Variants in TTN observed in about 807,000 individuals in gnomAD.
TTN encodes titin.
A neutral mutation model predicts 3,223.0 loss-of-function variants in TTN; 1,525 were observed. The ratio of observed to expected loss-of-function variants is 0.47; its 90% CI spans 0.45 to 0.49. The LOEUF (loss-of-function observed/expected upper bound fraction) is 0.49, where lower values mean the gene tolerates loss of function less well. Among genes scored for constraint, TTN ranks in the 20% least tolerant of loss-of-function variants. The pLI is 0.00. For missense variants in TTN, 40,786 were observed against 43,424.0 expected (o/e 0.94, Z 5.40); for synonymous variants, 14,094 against 15,161.0 (o/e 0.93, Z 5.17).
intron 10 of TTN, 120 bp from the exon 11 acceptor site, chr2:178,790,965 T>A: frequency 1.5e-6 from 2 of 1,293,544 alleles, no homozygotes; most frequent in Non-Finnish European, 2.2e-6. Flanking sequence ...AATGTCAGAT[T>A]TCCATTTCAG....
intron 4 of TTN, among the ~76,000 whole-genome samples, chr2:178,800,121 T>A (rs1054852986): frequency 1.1e-4 from 17 of 152,368 alleles, no homozygotes; most frequent in African/African-American, 2.6e-4. Context: ...AATGATTTTT[T>A]AAAATTTCAT....
In TTN at chr2:178,640,646, A is replaced by AT. The variant is rs760969357; in HGVS notation, c.40634-17dup. 6.4e-7 allele frequency: 1 copy of AT among 1,550,710 alleles called. No individual in the cohort carries two copies. The highest frequency in any genetic ancestry group is 8.7e-7 in the Non-Finnish European group (1 of 1,151,494). On this transcript the variant is annotated splice_polypyrimidine_tract_variant and intron_variant, in intron 220 of 362. Transcript: ENST00000589042. Reference sequence around the variant, plus strand: ...GGTTCTGGTACTTTAAGATAAGATTATTTTTTCAGTGTTAATATTTGAATA... The same window carrying AT: ...GGTTCTGGTACTTTAAGATAAGATTATTTTTTTCAGTGTTAATATTTGAATA...
chr2:178,756,709 C>T lies in TTN; in HGVS notation c.10767G>A (p.Glu3589=). 6.2e-7 allele frequency: 1 copy of T among 1,613,802 alleles called. No individual in the cohort carries two copies. The highest frequency in any genetic ancestry group is 8.5e-7 in the Non-Finnish European group (1 of 1,179,816). The change falls in exon 46 of 363, where the codon GAG becomes GAA. Residue 3589 remains glutamate (E), a synonymous_variant. Coordinates refer to ENST00000589042, the MANE Select transcript of TTN (RefSeq NM_001267550.2). ...TTTCCTTTTGAGATATTTTGCTCTC[C>T]TCCTTTGTGAAAGAGGAATCTGCCA... The part of the protein sequence containing the change: ...QAVADSSFTK[E]ESKISQKEIK...
chr2:178,760,834 AGTTTGTGTGAAGGG>A (rs1480442930), intron 43 of TTN: 1 of 135,302 alleles, frequency 7.4e-6, no homozygotes, highest in African/African-American at 2.8e-5. Context: ...ACCCCTATTT[AGTTTGTGTGAAGGG>A]GTGTGTGTGT....
At chr2:178,701,497 CA>C in intron 110 of TTN, 30 bp downstream of exon 110, 2 of 1,601,810 alleles carry the variant, frequency 1.2e-6, no homozygotes, top group Non-Finnish European at 8.5e-7. Context: ...ATTGCTGCTC[CA>C]AGCTCAGATG....
chr2:178,739,840 G>A lies in TTN; in HGVS notation c.13393C>T (p.Gln4465Ter). The change falls in exon 48 of 363, where the codon CAA becomes TAA. Residue 4465 changes from glutamine (Q) to a stop codon, truncating the protein, a stop_gained. Transcript: ENST00000589042. LOFTEE classifies it high-confidence loss of function. ...VTIIIEDVDP[Q>*]MANLKMELRD... ...AGTTCCATTTTCAGGTTAGCCATTT[G>A]AGGATCAACATCTTCAATAATGATG... 2 of 1,613,838 alleles carry A rather than the reference G, an allele frequency of 1.2e-6. No homozygotes were observed. Among genetic ancestry groups the A allele is most frequent in the South Asian group, 1.1e-5 (1 of 91,076 alleles).
At chr2:178,625,472 T>G in intron 240 of TTN, 76 bp from the exon 241 acceptor site, 1 of 1,417,020 alleles carries the variant, frequency 7.1e-7, no homozygotes, top group Non-Finnish European at 9.2e-7. Flanking sequence ...TAGATAAAAA[T>G]AAATGGAAAT....
Position 178,717,148 on chromosome 2 carries a change from T to C in TTN, c.25586A>G (p.Tyr8529Cys). ...GKGDAGQYTC[Y>C]ASNIAGKDSC... ...GTCTTTTCCAGCGATGTTGCTTGCA[T>C]AGCAGGTGTACTGCCCGGCATCGCC... Residue 8529 changes from tyrosine to cysteine, a missense_variant, in exon 88 of 363, where the codon TAT becomes TGT. By Grantham distance (194) the Tyr-to-Cys change is radical (BLOSUM62 -2). Coordinates refer to ENST00000589042, the MANE Select transcript of TTN (RefSeq NM_001267550.2). 6.2e-7 allele frequency: 1 copy of C among 1,613,578 alleles called. No homozygotes were observed. The highest frequency in any genetic ancestry group is 1.1e-5 in the South Asian group (1 of 91,064).
Position 178,582,521 on chromosome 2 carries a change from G to A in TTN, c.65935C>T (p.Pro21979Ser). The A allele has an allele frequency of 6.2e-7, 1 of 1,612,958 alleles. No individual in the cohort carries two copies. The highest frequency in any genetic ancestry group is 1.1e-5 in the South Asian group (1 of 91,028). Residue 21979 changes from proline (P) to serine (S), a missense_variant, in exon 314 of 363, where the codon CCG (proline) becomes TCG (serine). Coordinates refer to ENST00000589042, the MANE Select transcript of TTN (RefSeq NM_001267550.2). ...YSDRAMLSWE[P>S]PLEDGGSEIT... ...TCTGAGCCTCCATCTTCAAGAGGCG[G>A]TTCCCAAGAAAGCATAGCACGATCT... is the stretch of plus-strand genomic sequence containing the variant.
rs866951961 is a variant in TTN, at chr2:178,551,116, T to A, written c.91415A>T (p.Asn30472Ile). Residue 30472 changes from asparagine (N) to isoleucine (I), a missense_variant, in exon 336 of 363, where the codon AAC becomes ATC. Physicochemically the swap from Asn to Ile is moderately radical, Grantham distance 149. Coordinates refer to ENST00000589042, the MANE Select transcript of TTN (RefSeq NM_001267550.2). ...CTGACATTCACTGACGTCAGTAAAGTTGCATCTCACCCAGCGTTCATTTCC... is the reference window on the plus strand; with the variant it reads ...CTGACATTCACTGACGTCAGTAAAGATGCATCTCACCCAGCGTTCATTTCC... ...RQGNERWVRCNFTDVSECQYT... is the reference protein window; with the variant it reads ...RQGNERWVRCIFTDVSECQYT... 1.5e-5 allele frequency: 24 copies of A among 1,613,406 alleles called. No homozygotes were observed. The highest frequency in any genetic ancestry group is 1.9e-5 in the Non-Finnish European group (23 of 1,179,666).
At position 178,702,160 on chromosome 2, in the gene TTN, T is replaced by C. The variant is rs2075120231; in HGVS notation, c.30511+8A>G. On this transcript the variant is annotated splice_region_variant and intron_variant, in intron 108 of 362. Transcript: ENST00000589042. ...TGGCAGGGTGGCTTTCTGATGGCGC[T>C]ACCTCACCTTTCGTCGTTAGGTACA... 1 of 1,613,960 alleles carries C rather than the reference T, an allele frequency of 6.2e-7. No individual in the cohort carries two copies. Among genetic ancestry groups the C allele is most frequent in the East Asian group, 2.2e-5 (1 of 44,878 alleles).
chr2:178,800,693 A>G lies in TTN; in HGVS notation c.296-11T>C. 1 of 1,602,298 alleles carries G rather than the reference A, an allele frequency of 6.2e-7. No individual in the cohort carries two copies. The highest frequency in any genetic ancestry group is 8.5e-7 in the Non-Finnish European group (1 of 1,174,560). On this transcript the variant is annotated splice_polypyrimidine_tract_variant and intron_variant, in intron 3 of 362. Coordinates refer to ENST00000589042, the MANE Select transcript of TTN (RefSeq NM_001267550.2). Reference sequence around the variant, plus strand: ...GTGGTGCTGTCTCAGCTGCGGGGACAAGAGAACAAAGTCAAGAGTGAGAGC... The same window carrying G: ...GTGGTGCTGTCTCAGCTGCGGGGACGAGAGAACAAAGTCAAGAGTGAGAGC...
At chr2:178,733,150 G>A (rs755252004) in intron 54 of TTN, 29 bp from the exon 55 acceptor site, 1 of 1,566,466 alleles carries the variant, frequency 6.4e-7, no homozygotes, top group South Asian at 1.2e-5. Context: ...GGGAGAAAAG[G>A]TCAATATAGA....
In TTN at chr2:178,591,322, C is replaced by T; in HGVS notation, c.60403G>A (p.Val20135Ile). ...YTVETDNFSS[V>I]LTIKNCLRRD... is the part of the protein sequence containing the mutation. ...CTTAAGCAGTTCTTAATGGTAAGTA[C>T]TGATGAGAAGTTGTCTGTTTCAACT... is the stretch of plus-strand genomic sequence containing the variant. Residue 20135 changes from valine to isoleucine, a missense_variant, in exon 304 of 363, where the codon GTA (valine) becomes ATA (isoleucine). Coordinates refer to ENST00000589042, the MANE Select transcript of TTN (RefSeq NM_001267550.2). 3 of 1,613,344 alleles carry T rather than the reference C, an allele frequency of 1.9e-6. No individual in the cohort carries two copies. The highest frequency in any genetic ancestry group is 1.1e-5 in the South Asian group (1 of 91,032).
rs769060885 is a variant in TTN at position 178,559,572 on chromosome 2, C to T, written c.86560G>A (p.Val28854Met). Residue 28854 changes from valine (V) to methionine (M), a missense_variant, in exon 326 of 363, where the codon GTG (valine) becomes ATG (methionine). Coordinates refer to ENST00000589042, the MANE Select transcript of TTN (RefSeq NM_001267550.2). ...DTPGPPTNIT[V>M]QDVTKESAVL... ...GCAGACTCTTTGGTTACATCTTGCA[C>T]AGTAATGTTGGTTGGAGGACCTGGG... 3.1e-6 allele frequency: 5 copies of T among 1,613,696 alleles called. No homozygotes were observed. The African/African-American group carries it at 6.7e-5, about 22-fold the overall frequency.
At chr2:178,726,912 T>C (rs2079438486) in intron 69 of TTN, 178 bp downstream of exon 69, 1 of 526,372 alleles carries the variant, frequency 1.9e-6, no homozygotes, top group East Asian at 3.5e-5. Flanking sequence ...TAATGACTAG[T>C]TACATGTAAG....
rs541910545 is a variant in TTN, at chr2:178,710,721, A to G, written c.28376T>C (p.Val9459Ala). The stretch of plus-strand genomic sequence containing the variant: ...ATATTGTCCAGAATCTCCTTTGTCT[A>G]CTTTGAGGACTGTCAGGTGGGCGCT... ...ENSAHLTVLK[V>A]DKGDSGQYTC... Residue 9459 changes from valine to alanine, a missense_variant, in exon 98 of 363, where the codon GTA becomes GCA. Val to Ala is a moderately conservative substitution (Grantham distance 64). Coordinates refer to ENST00000589042, the MANE Select transcript of TTN (RefSeq NM_001267550.2). The G allele has an allele frequency of 2.5e-6, 4 of 1,613,768 alleles. No homozygotes were observed. Among genetic ancestry groups the G allele is most frequent in the African/African-American group, 2.7e-5 (2 of 75,030 alleles).
Position 178,544,197 on chromosome 2 carries a change from A to G in TTN, c.96028+4T>C. ...ATTCACCTAAAAGCTTCTGTGATAA[A>G]TACCTATTCTTTCCACGGGCTCAAT... On this transcript the variant is annotated splice_donor_region_variant and intron_variant, in intron 345 of 362. Transcript: ENST00000589042. The G allele has an allele frequency of 1.9e-6, 3 of 1,611,188 alleles. No homozygotes were observed. In the South Asian group the frequency reaches 3.3e-5, roughly 18 times the overall value.
rs1050919795 is a variant in TTN at position 178,794,529 on chromosome 2, C to T, written c.1268G>A (p.Ser423Asn). 6.2e-7 allele frequency: 1 copy of T among 1,614,208 alleles called. No individual in the cohort carries two copies. Among genetic ancestry groups the T allele is most frequent in the Non-Finnish European group, 8.5e-7 (1 of 1,180,016 alleles). Residue 423 changes from serine (S) to asparagine (N), a missense_variant, in exon 8 of 363, where the codon AGT becomes AAT. Physicochemically the swap from Ser to Asn is conservative, Grantham distance 46. Coordinates refer to ENST00000589042, the MANE Select transcript of TTN (RefSeq NM_001267550.2). ...AKEVKQDADKSAAVATVVAAV... is the reference protein window; with the variant it reads ...AKEVKQDADKNAAVATVVAAV... ...AGCAACAACAGTCGCAACAGCTGCACTTTTGTCAGCATCTTGTTTCACCTA... is the reference window on the plus strand; with the variant it reads ...AGCAACAACAGTCGCAACAGCTGCATTTTTGTCAGCATCTTGTTTCACCTA...
Sources: allele counts gnomAD v4.1 joint callset (sites outside exome capture counted in the v4.1 genomes callset), GRCh38; gene constraint gnomAD v4.1.1; transcripts MANE v1.5; gene names NCBI Gene and HGNC (gene_info 2026-07-23, HGNC 2026-07-21).